LRRC7: variants seen among roughly 807,000 people sequenced by gnomAD.
LRRC7 encodes leucine-rich repeat-containing protein 7.
LRRC7 carries 23 observed loss-of-function variants against 175.7 expected under a neutral mutation model. That is an observed-to-expected ratio of 0.13 (90% CI 0.09 to 0.19). The LOEUF (loss-of-function observed/expected upper bound fraction) is 0.19. LRRC7 is among the 10% of genes least tolerant of loss of function. The pLI, the probability that LRRC7 is intolerant of heterozygous loss-of-function variation, is 1.00. For missense variants in LRRC7, 1,354 were observed against 1,904.7 expected (o/e 0.71, Z 5.38); for synonymous variants, 685 against 680.9 (o/e 1.01, Z -0.09).
At chr1:69,592,262 T>A (rs1646666802) in intron 1 of LRRC7, among the ~76,000 whole-genome samples, 1 of 152,012 alleles carries the variant, frequency 6.6e-6, no homozygotes, top group Non-Finnish European at 1.5e-5. Context: ...AATAAAAATT[T>A]TAAATGAAAT....
chr1:70,143,364 C>A lies in LRRC7; in HGVS notation c.*21477C>A, dbSNP rs564436822. The A allele has an allele frequency of 6.6e-6, 1 of 151,830 alleles. No individual in the cohort carries two copies. The highest frequency in any genetic ancestry group is 2.1e-4 in the South Asian group (1 of 4,744). The allele number at this position is 151,830 out of a possible 1,614,324, so 9.4% of individuals were successfully genotyped here. ...TATTATCAAGTCGTTTTCAAATTTA[C>A]AATATTCGACTGGTAAAGAAAGTGC... On this transcript the variant is annotated 3_prime_UTR_variant, in exon 27 of 27. Transcript: ENST00000651989.
At chr1:69,785,915 A>G (rs1569852287) in intron 3 of LRRC7, among the ~76,000 whole-genome samples, 1 of 152,122 alleles carries the variant, frequency 6.6e-6, no homozygotes, top group East Asian at 1.9e-4. Flanking sequence ...CGTGTCCTCC[A>G]TGTCATTTAA....
intron 7 of LRRC7, among the ~76,000 whole-genome samples, chr1:69,869,279 A>T (rs1685270241): frequency 6.6e-6 from 1 of 152,160 alleles, no homozygotes; most frequent in Admixed American, 6.5e-5. Flanking sequence ...AATTACTGAA[A>T]TATTTAGGAA....
rs1278137801 is a variant in LRRC7, at chr1:70,132,893, A to G, written c.*11006A>G. On this transcript the variant is annotated 3_prime_UTR_variant, in exon 27 of 27. Transcript: ENST00000651989. ...AAGGGACCTTGAGAGGATCTGGTTC[A>G]TTTGTCTATCTTCAGGGAAGGATTC... Among the ~76,000 whole-genome samples the G allele has an allele frequency of 6.6e-6, 1 of 152,094 alleles. No homozygotes were observed. Among genetic ancestry groups the G allele is most frequent in the Non-Finnish European group, 1.5e-5 (1 of 68,018 alleles).
chr1:69,961,261 A>C (rs901944125), intron 8 of LRRC7, among the ~76,000 whole-genome samples: 2 of 152,184 alleles, frequency 1.3e-5, no homozygotes. Flanking sequence ...AATACCTAGG[A>C]ATACAGCTAA....
chr1:69,634,604 T>G (rs1013657473), intron 1 of LRRC7, among the ~76,000 whole-genome samples: 3 of 152,140 alleles, frequency 2.0e-5, no homozygotes, highest in Non-Finnish European at 4.4e-5. Context: ...ATGCTCACTC[T>G]GTCAACCTAA....
intron 8 of LRRC7, among the ~76,000 whole-genome samples, chr1:69,972,971 AT>A (rs1288061971): frequency 2.1e-5 from 3 of 145,418 alleles, no homozygotes; most frequent in Non-Finnish European, 3.0e-5. Flanking sequence ...ATAATACTAT[AT>A]ATAAATACTA....
At chr1:69,788,856 A>G (rs1354962650) in intron 3 of LRRC7, among the ~76,000 whole-genome samples, 1 of 152,226 alleles carries the variant, frequency 6.6e-6, no homozygotes, top group Non-Finnish European at 1.5e-5. Context: ...TAAACATCTG[A>G]ATAATAAAGC....
intron 24 of LRRC7, among the ~76,000 whole-genome samples, chr1:70,087,457 TTTTC>T (rs1374152427): frequency 3.3e-5 from 5 of 152,148 alleles, no homozygotes; most frequent in African/African-American, 7.2e-5. Flanking sequence ...AAGAAAAATG[TTTTC>T]ATCATATTGG....
intron 3 of LRRC7, among the ~76,000 whole-genome samples, chr1:69,764,311 A>G (rs1416472351): frequency 6.6e-6 from 1 of 151,948 alleles, no homozygotes; most frequent in Non-Finnish European, 1.5e-5. Context: ...GGCAAATTTG[A>G]AAAAAAGCAA....
chr1:69,958,535 A>T (rs1489959917), intron 8 of LRRC7, among the ~76,000 whole-genome samples: 1 of 152,062 alleles, frequency 6.6e-6, no homozygotes, highest in Non-Finnish European at 1.5e-5. Flanking sequence ...GAAGAAACCA[A>T]GGCATGTTTG....
chr1:69,901,282 A>T (rs146726464), intron 7 of LRRC7, among the ~76,000 whole-genome samples: 130 of 152,350 alleles, frequency 8.5e-4, no homozygotes, highest in African/African-American at 2.6e-3. Flanking sequence ...TAATAATGGA[A>T]ATAGAATACA....
At chr1:69,784,226 A>C (rs909248437) in intron 3 of LRRC7, among the ~76,000 whole-genome samples, 1 of 152,184 alleles carries the variant, frequency 6.6e-6, no homozygotes, top group African/African-American at 2.4e-5. Flanking sequence ...CCTGTTGTAA[A>C]AGCATAAACA....
intron 9 of LRRC7, among the ~76,000 whole-genome samples, chr1:69,985,555 T>A (rs1020344560): frequency 2.6e-5 from 4 of 152,198 alleles, no homozygotes; most frequent in Non-Finnish European, 4.4e-5. Context: ...CACATAGTTG[T>A]ACAACCATCA....
At chr1:69,898,427 G>GTGAT (rs1646039677) in intron 7 of LRRC7, among the ~76,000 whole-genome samples, 1 of 152,186 alleles carries the variant, frequency 6.6e-6, no homozygotes, top group Non-Finnish European at 1.5e-5. Context: ...ATAACTAACT[G>GTGAT]TGATTTTAGC....
chr1:69,834,799 C>A lies in LRRC7; in HGVS notation c.520C>A (p.Gln174Lys), dbSNP rs535749243. 6.2e-7 allele frequency: 1 copy of A among 1,613,218 alleles called. No individual in the cohort carries two copies. The highest frequency in any genetic ancestry group is 8.5e-7 in the Non-Finnish European group (1 of 1,179,416). The part of the protein sequence containing the change: ...PISKLPDGFT[Q>K]LLNLTQLYLN... ...TTTTAGACTACCTGATGGCTTCACA[C>A]AGCTCCTAAACCTGACCCAGCTCTA... The change falls in exon 6 of 27, where the codon CAG becomes AAG. Residue 174 changes from glutamine to lysine, a missense_variant. Gln to Lys is a moderately conservative substitution (Grantham distance 53). Transcript: ENST00000651989.
intron 7 of LRRC7, among the ~76,000 whole-genome samples, chr1:69,850,358 C>T (rs950876383): frequency 2.0e-5 from 3 of 151,906 alleles, no homozygotes; most frequent in South Asian, 4.1e-4. Flanking sequence ...GCCTTGTGAG[C>T]CATGTTGGGA....
intron 4 of LRRC7, among the ~76,000 whole-genome samples, chr1:69,815,629 T>C (rs1253455000): frequency 6.6e-6 from 1 of 152,200 alleles, no homozygotes; most frequent in Admixed American, 6.5e-5. Flanking sequence ...TCAAAATTAT[T>C]CTGAACTTAG....
intron 1 of LRRC7, among the ~76,000 whole-genome samples, chr1:69,647,095 G>T (rs1306870640): frequency 1.3e-5 from 2 of 152,106 alleles, no homozygotes; most frequent in Non-Finnish European, 2.9e-5. Flanking sequence ...CAAACCAAAA[G>T]ATTCCTGCTA....
Sources: allele counts gnomAD v4.1 joint callset (sites outside exome capture counted in the v4.1 genomes callset), GRCh38; gene constraint gnomAD v4.1.1; transcripts MANE v1.5; gene names NCBI Gene and HGNC (gene_info 2026-07-23, HGNC 2026-07-21).